OTC: variants seen among roughly 807,000 people sequenced by gnomAD.
The protein encoded by OTC is ornithine transcarbamylase, mitochondrial.
A neutral mutation model predicts 30.3 loss-of-function variants in OTC; 3 were observed. The observed-to-expected ratio is 0.10, with a 90% CI of 0.05 to 0.26. The LOEUF is 0.26. Ranked by LOEUF, OTC falls within the 10% of genes least tolerant of loss-of-function variation. The pLI, the probability that OTC is intolerant of heterozygous loss-of-function variation, is 1.00. For missense variants in OTC, 194 were observed against 260.3 expected (o/e 0.75, Z 1.75); for synonymous variants, 111 against 99.7 (o/e 1.11, Z -0.67).
intron 3 of OTC, among the ~76,000 whole-genome samples, chrX:38,380,851 C>G (rs1404001272): frequency 9.0e-6 from 1 of 111,705 alleles, no homozygotes; most frequent in Non-Finnish European, 1.9e-5. Context: ...GCCTCAGCCT[C>G]CCGACTAGCT....
At chrX:38,367,176 A>G (rs2068300240) in intron 1 of OTC, 115 bp from the exon 2 acceptor site, 5 of 361,676 alleles carry the variant, frequency 1.4e-5, no homozygotes, top group East Asian at 1.5e-4. Context: ...ACCTGTCTCA[A>G]AAAAAAAAAA....
intron 9 of OTC, among the ~76,000 whole-genome samples, chrX:38,419,384 A>G (rs2068584332): frequency 9.0e-6 from 1 of 111,559 alleles, no homozygotes; most frequent in Non-Finnish European, 1.9e-5. Flanking sequence ...TGACATTGGA[A>G]TTTTGATAGG....
At chrX:38,367,182 AAAAAAAG>A in intron 1 of OTC, 102 bp from the exon 2 acceptor site, 1 of 700,664 alleles carries the variant, frequency 1.4e-6, no homozygotes, top group African/African-American at 2.2e-5. Flanking sequence ...CTCAAAAAAA[AAAAAAAG>A]AAAAGAAAAG....
At chrX:38,409,420 C>A (rs1297198043) in intron 8 of OTC, among the ~76,000 whole-genome samples, 1 of 112,796 alleles carries the variant, frequency 8.9e-6, no homozygotes, top group Non-Finnish European at 1.9e-5. Context: ...TTTCCAAGGA[C>A]CTCTAAATCC....
chrX:38,358,556 T>C (rs1446668309), intron 1 of OTC, among the ~76,000 whole-genome samples: 1 of 110,064 alleles, frequency 9.1e-6, no homozygotes, highest in African/African-American at 3.3e-5. Context: ...AGAAAGGTGG[T>C]GACTACTCTA....
At chrX:38,393,717 A>G (rs1429187506) in intron 4 of OTC, among the ~76,000 whole-genome samples, 1 of 112,442 alleles carries the variant, frequency 8.9e-6, no homozygotes, top group Non-Finnish European at 1.9e-5. Context: ...CATGGAATCT[A>G]TATTGTTTTC....
intron 3 of OTC, 113 bp from the exon 4 acceptor site, chrX:38,381,229 G>A (rs2068374528): frequency 2.0e-6 from 1 of 512,607 alleles, no homozygotes; most frequent in Non-Finnish European, 3.3e-6. Flanking sequence ...AGAGAAGTTG[G>A]AGAGCTTTAA....
At chrX:38,385,072 C>A (rs1287580787) in intron 4 of OTC, among the ~76,000 whole-genome samples, 1 of 111,027 alleles carries the variant, frequency 9.0e-6, no homozygotes, top group Non-Finnish European at 1.9e-5. Context: ...GAGGTCAGGA[C>A]CAGCCTGGCC....
intron 4 of OTC, 107 bp downstream of exon 4, chrX:38,381,536 C>T: frequency 1.7e-6 from 1 of 581,628 alleles, no homozygotes; most frequent in Non-Finnish European, 2.9e-6. Context: ...TCTAATTGTT[C>T]TGTTCTCCAT....
At chrX:38,328,795 C>A in the OTC span, among the ~76,000 whole-genome samples, 1 of 111,907 alleles carries the variant, frequency 8.9e-6, no homozygotes, top group Non-Finnish European at 1.9e-5. Context: ...GAGAAGGGTT[C>A]AGAGGCTATT....
intron 2 of OTC, among the ~76,000 whole-genome samples, chrX:38,367,793 C>G (rs1008240599): frequency 4.5e-5 from 5 of 110,498 alleles, no homozygotes; most frequent in Admixed American, 9.7e-5. Context: ...TCTTGGCTCA[C>G]TGCAACTTCT....
intron 4 of OTC, among the ~76,000 whole-genome samples, chrX:38,394,834 T>C (rs1258351990): frequency 9.0e-6 from 1 of 110,725 alleles, no homozygotes; most frequent in Non-Finnish European, 1.9e-5. Context: ...TCAAGAAACA[T>C]AGGACTTGGG....
the OTC span, among the ~76,000 whole-genome samples, chrX:38,344,060 C>T: frequency 7.2e-5 from 8 of 111,578 alleles, no homozygotes; most frequent in African/African-American, 2.6e-4. Flanking sequence ...ACTCTCAGAT[C>T]GCTTGAACCC....
chrX:38,386,484 A>G (rs1238648474), intron 4 of OTC, among the ~76,000 whole-genome samples: 6 of 110,603 alleles, frequency 5.4e-5, no homozygotes, highest in Non-Finnish European at 1.1e-4. Flanking sequence ...ACCCCTGGCA[A>G]CCACCATTCT....
chrX:38,337,749 A>G, the OTC span, among the ~76,000 whole-genome samples: 1 of 111,584 alleles, frequency 9.0e-6, no homozygotes, highest in Non-Finnish European at 1.9e-5. Context: ...CAATTCCCTG[A>G]ATTTTTTCCA....
intron 9 of OTC, among the ~76,000 whole-genome samples, chrX:38,419,987 T>G (rs1310037816): frequency 9.0e-6 from 1 of 110,902 alleles, no homozygotes; most frequent in Non-Finnish European, 1.9e-5. Context: ...TATCTCAAAA[T>G]AACTTAGAGA....
the OTC span, among the ~76,000 whole-genome samples, chrX:38,345,250 C>G: frequency 2.7e-5 from 3 of 111,890 alleles, no homozygotes; most frequent in Admixed American, 9.5e-5. Context: ...TTCAAGCTGT[C>G]CTTGTTCATT....
In OTC at chrX:38,409,224, G is replaced by A. The variant is rs1230947519; in HGVS notation, c.867+199G>A. 3.6e-5 allele frequency among the ~76,000 whole-genome samples: 4 copies of A among 111,857 alleles called. 1 individual carries two copies. The highest frequency in any genetic ancestry group is 2.8e-4 in the Admixed American group (3 of 10,545). On this transcript the variant is annotated intron_variant, in intron 8 of 9. Transcript: ENST00000039007. ...GAAAGGCATTTTTGTGCTGGATGAA[G>A]GAATTTGAAACCCACTGAGAAGAGA...
In OTC at chrX:38,389,540, AG is replaced by A. The variant is rs199591806; in HGVS notation, c.386+8112del. ...ATGGGAAATATATATCTCATGAGGT[AG>A]TAATAAATTGGTACCTAATGGGAAA... On this transcript the variant is annotated intron_variant, in intron 4 of 9. Transcript: ENST00000039007. Among the ~76,000 whole-genome samples, 58 of 112,263 alleles carry A rather than the reference AG, an allele frequency of 5.2e-4. No individual in the cohort carries two copies. The East Asian group carries it at 0.014, about 28-fold the overall frequency.
Sources: gnomAD v4.1 joint callset for allele counts (sites outside exome capture counted in the v4.1 genomes callset) on GRCh38, gnomAD v4.1.1 for gene constraint, MANE v1.5 for transcripts, NCBI Gene and HGNC (gene_info 2026-07-23, HGNC 2026-07-21) for gene names.